IGF1R: variants seen among roughly 807,000 people sequenced by gnomAD.
IGF1R encodes the protein insulin like growth factor 1 receptor.
In IGF1R, 44 loss-of-function variants were observed where a neutral mutation model predicts 144.6. The observed-to-expected ratio is 0.30, with a 90% CI of 0.24 to 0.39. IGF1R has a LOEUF of 0.39. IGF1R is among the 10% of genes least tolerant of loss of function. The probability of loss-of-function intolerance (pLI) is 1.00; values close to 1 mark genes in which losing one functional copy is unlikely to be tolerated. For synonymous variants in IGF1R, 795 were observed against 722.8 expected (o/e 1.10, Z -1.60); for missense variants, 1,355 against 1,833.7 (o/e 0.74, Z 4.77).
intron 2 of IGF1R, among the ~76,000 whole-genome samples, chr15:98,796,904 A>G (rs964779125): frequency 1.3e-5 from 2 of 152,110 alleles, no homozygotes; most frequent in African/African-American, 4.8e-5. Flanking sequence ...GAAGGCTCTC[A>G]CTCGCGACTC....
intron 6 of IGF1R, among the ~76,000 whole-genome samples, chr15:98,909,904 G>A (rs2014928104): frequency 6.6e-6 from 1 of 152,046 alleles, no homozygotes; most frequent in Non-Finnish European, 1.5e-5. Context: ...TGAGAATGGC[G>A]TGGCTCTCTG....
chr15:98,843,916 A>G (rs1399814575), intron 2 of IGF1R, among the ~76,000 whole-genome samples: 2 of 152,222 alleles, frequency 1.3e-5, no homozygotes, highest in East Asian at 3.8e-4. Flanking sequence ...GAAACATAGT[A>G]ATACTGCAGA....
At chr15:98,865,649 A>C (rs953766204) in intron 2 of IGF1R, among the ~76,000 whole-genome samples, 1 of 152,222 alleles carries the variant, frequency 6.6e-6, no homozygotes, top group South Asian at 2.1e-4. Context: ...TAATTTTGAT[A>C]TTTGGAAATG....
intron 2 of IGF1R, among the ~76,000 whole-genome samples, chr15:98,797,588 ACATG>A (rs746020885): frequency 2.6e-5 from 4 of 152,246 alleles, no homozygotes; most frequent in Non-Finnish European, 4.4e-5. Flanking sequence ...CATTCCATGC[ACATG>A]CACCTGCAGG....
intron 2 of IGF1R, among the ~76,000 whole-genome samples, chr15:98,727,778 T>C (rs1465315799): frequency 1.3e-5 from 2 of 152,162 alleles, no homozygotes; most frequent in African/African-American, 2.4e-5. Flanking sequence ...TCCTGTGGGC[T>C]TAGTCACTGT....
intron 2 of IGF1R, among the ~76,000 whole-genome samples, chr15:98,730,862 A>G (rs1322150677): frequency 6.6e-6 from 1 of 152,238 alleles, no homozygotes; most frequent in African/African-American, 2.4e-5. Context: ...GCTTACAGAA[A>G]TATTAAAGAA....
At chr15:98,860,734 T>G (rs1318127826) in intron 2 of IGF1R, among the ~76,000 whole-genome samples, 1 of 151,708 alleles carries the variant, frequency 6.6e-6, no homozygotes. Flanking sequence ...CATTTTTATG[T>G]CTCCATTTCT....
chr15:98,908,401 A>G (rs950341779), intron 5 of IGF1R, among the ~76,000 whole-genome samples: 10 of 152,244 alleles, frequency 6.6e-5, no homozygotes, highest in African/African-American at 2.4e-4. Context: ...CTTGGGAATG[A>G]TTCTAGTAAC....
At chr15:98,705,813 T>C (rs1359955996) in intron 1 of IGF1R, among the ~76,000 whole-genome samples, 2 of 152,222 alleles carry the variant, frequency 1.3e-5, no homozygotes. Flanking sequence ...TCAGGAGCCT[T>C]GTGGGGGCTT....
At chr15:98,745,913 C>T (rs2054853553) in intron 2 of IGF1R, among the ~76,000 whole-genome samples, 1 of 152,254 alleles carries the variant, frequency 6.6e-6, no homozygotes, top group African/African-American at 2.4e-5. Context: ...CTTACCAATA[C>T]ACCTGCCCAC....
In IGF1R at chr15:98,962,183, CTCCT is replaced by C. The variant is rs1335704475; in HGVS notation, c.*4745_*4748del. On this transcript the variant is annotated 3_prime_UTR_variant, in exon 21 of 21. Coordinates refer to ENST00000650285, the MANE Select transcript of IGF1R (RefSeq NM_000875.5). ...CTAGTGTTCTTAGCTGTCACGTTGG[CTCCT>C]TCCAGGGTGGCCAGACGGTGTTGGC... The C allele has an allele frequency of 6.0e-5, 14 of 233,244 alleles. No homozygotes were observed. The allele number at this position is 233,244 out of a possible 1,614,324, so 14.4% of individuals were successfully genotyped here. A position where few individuals can be genotyped will look rare whatever the true frequency, so the allele number is the denominator to read the frequency against.
chr15:98,788,101 G>A (rs1212393751), intron 2 of IGF1R, among the ~76,000 whole-genome samples: 1 of 141,050 alleles, frequency 7.1e-6, no homozygotes, highest in Non-Finnish European at 1.5e-5. Context: ...TGTAAATAGT[G>A]ATTTCTCTAA....
At chr15:98,651,022 G>C (rs1380403078) in intron 1 of IGF1R, 1 of 985,256 alleles carries the variant, frequency 1.0e-6, no homozygotes, top group African/African-American at 1.7e-5. Flanking sequence ...AGGGTAATTT[G>C]AACACGATTA....
At chr15:98,733,411 G>C (rs1385557417) in intron 2 of IGF1R, among the ~76,000 whole-genome samples, 2 of 151,912 alleles carry the variant, frequency 1.3e-5, no homozygotes, top group Non-Finnish European at 2.9e-5. Flanking sequence ...TGGGGTCTTG[G>C]GCTCAAGTTA....
intron 2 of IGF1R, among the ~76,000 whole-genome samples, chr15:98,747,753 TCTG>T (rs998446601): frequency 2.0e-5 from 3 of 152,226 alleles, no homozygotes; most frequent in Admixed American, 2.0e-4. Flanking sequence ...TCTATAAAGT[TCTG>T]CTGTATTTCT....
At chr15:98,649,709 G>T (rs763307779) in intron 1 of IGF1R, 34 bp downstream of exon 1, 32 of 1,521,194 alleles carry the variant, frequency 2.1e-5, no homozygotes, top group Non-Finnish European at 2.9e-5. Context: ...GGCCACTGCG[G>T]GAACTTTTCC....
At chr15:98,699,726 T>C (rs138068564) in intron 1 of IGF1R, among the ~76,000 whole-genome samples, 5 of 152,328 alleles carry the variant, frequency 3.3e-5, no homozygotes, top group African/African-American at 7.2e-5. Context: ...CTTTGCTGTA[T>C]GTAGCACTCT....
chr15:98,944,044 G>A (rs2016462571), intron 19 of IGF1R, among the ~76,000 whole-genome samples: 1 of 152,182 alleles, frequency 6.6e-6, no homozygotes, highest in African/African-American at 2.4e-5. Context: ...GTCCAAGATG[G>A]TTATCTCTTC....
intron 2 of IGF1R, among the ~76,000 whole-genome samples, chr15:98,736,133 A>G (rs1388201251): frequency 6.6e-6 from 1 of 152,206 alleles, no homozygotes; most frequent in Non-Finnish European, 1.5e-5. Context: ...CTGCCTAAAG[A>G]GTGGCGATGA....
Sources: allele counts gnomAD v4.1 joint callset (sites outside exome capture counted in the v4.1 genomes callset), GRCh38; gene constraint gnomAD v4.1.1; transcripts MANE v1.5; gene names NCBI Gene and HGNC (gene_info 2026-07-23, HGNC 2026-07-21).